Variants in RNF24 observed in about 807,000 individuals in gnomAD.
The protein encoded by RNF24 is ring finger protein 24.
In RNF24, 14 loss-of-function variants were observed where a neutral mutation model predicts 20.0. The ratio of observed to expected loss-of-function variants is 0.70; its 90% CI spans 0.46 to 1.10. The LOEUF (loss-of-function observed/expected upper bound fraction) is 1.10. Among genes scored for constraint, RNF24 ranks in the 50% least tolerant of loss-of-function variants. RNF24 has a pLI of 0.00. For synonymous variants in RNF24, 45 were observed against 61.1 expected (o/e 0.74, Z 1.23); for missense variants, 124 against 177.6 (o/e 0.70, Z 1.71).
intron 1 of RNF24, among the ~76,000 whole-genome samples, chr20:3,978,477 C>T (rs920128944): frequency 1.3e-5 from 2 of 152,176 alleles, no homozygotes; most frequent in African/African-American, 2.4e-5. Flanking sequence ...ATACATTGTA[C>T]ACATATACCA....
At chr20:3,957,043 A>G (rs1600653441) in intron 2 of RNF24, among the ~76,000 whole-genome samples, 2 of 152,264 alleles carry the variant, frequency 1.3e-5, no homozygotes, top group East Asian at 3.9e-4. Context: ...TTGTAAACCC[A>G]GTACTTTGGG....
rs1176969943 is a variant in RNF24 at position 3,927,587 on chromosome 20, G to A, written c.*6476C>T. 6.6e-6 allele frequency: 1 copy of A among 152,086 alleles called. No homozygotes were observed. The highest frequency in any genetic ancestry group is 1.5e-5 in the Non-Finnish European group (1 of 68,014). 9.4% of individuals were successfully genotyped at this position (152,086 alleles called of 1,614,324 possible). On this transcript the variant is annotated 3_prime_UTR_variant, in exon 6 of 6. Coordinates refer to ENST00000358395, the MANE Select transcript of RNF24 (RefSeq NM_001134337.3). Reference sequence around the variant, plus strand: ...AAACCCGAGGGCCAAACTACAAGACGAAAAAGTGCCCCGTTCCTGGCAATG... The same window carrying A: ...AAACCCGAGGGCCAAACTACAAGACAAAAAAGTGCCCCGTTCCTGGCAATG...
intron 3 of RNF24, 28 bp from the exon 4 acceptor site, chr20:3,945,246 G>C (rs191563273): frequency 5.1e-6 from 8 of 1,559,286 alleles, no homozygotes; most frequent in East Asian, 2.3e-5. Context: ...ATGTTCTTAT[G>C]CCCATTTAAA....
rs140831982 is a variant in RNF24 at position 3,936,125 on chromosome 20, C to T, written c.229-1052G>A. ...ATGTGGCTCTTGGTGCCCAGTGAAC[C>T]GTGCCATGTTGGTTTTTAAACATCC... is the stretch of plus-strand genomic sequence containing the variant. On this transcript the variant is annotated intron_variant, in intron 4 of 5. Coordinates refer to ENST00000358395, the MANE Select transcript of RNF24 (RefSeq NM_001134337.3). Among the ~76,000 whole-genome samples, 210 of 152,308 alleles carry T rather than the reference C, an allele frequency of 1.4e-3. 1 individual carries two copies. The highest frequency in any genetic ancestry group is 4.7e-3 in the African/African-American group (196 of 41,554).
At chr20:3,970,524 T>TA (rs2091304285) in intron 1 of RNF24, among the ~76,000 whole-genome samples, 1 of 152,210 alleles carries the variant, frequency 6.6e-6, no homozygotes, top group Non-Finnish European at 1.5e-5. Context: ...ACAAAAATGT[T>TA]AAAATTATCT....
intron 1 of RNF24, among the ~76,000 whole-genome samples, chr20:4,012,047 T>G (rs1982500086): frequency 1.3e-5 from 2 of 152,156 alleles, no homozygotes; most frequent in South Asian, 4.1e-4. Flanking sequence ...ACATGGCAAT[T>G]TCATATGATT....
chr20:4,015,140 C>G (rs1399782035), intron 1 of RNF24: 2 of 152,328 alleles, frequency 1.3e-5, no homozygotes, highest in Non-Finnish European at 2.9e-5. Context: ...CGGGGGCCCA[C>G]GCACCTTCCC....
intron 1 of RNF24, among the ~76,000 whole-genome samples, chr20:3,971,763 T>G (rs1978374654): frequency 6.6e-6 from 1 of 151,958 alleles, no homozygotes; most frequent in African/African-American, 2.4e-5. Flanking sequence ...ATTACTCAAG[T>G]AACAGAAACA....
rs1023741324 is a variant in RNF24 at position 3,933,441 on chromosome 20, T to C, written c.*622A>G. ...AGGAAATGGCTTCTGACTAGGCCTTTCCAAGCGCATCTCATGTTTTCAGCT... is the reference window on the plus strand; with the variant it reads ...AGGAAATGGCTTCTGACTAGGCCTTCCCAAGCGCATCTCATGTTTTCAGCT... On this transcript the variant is annotated 3_prime_UTR_variant, in exon 6 of 6. Coordinates refer to ENST00000358395, the MANE Select transcript of RNF24 (RefSeq NM_001134337.3). 1.4e-5 allele frequency: 5 copies of C among 357,504 alleles called. No individual in the cohort carries two copies. Among genetic ancestry groups the C allele is most frequent in the African/African-American group, 1.0e-4 (5 of 47,900 alleles). 22.1% of individuals were successfully genotyped at this position (357,504 alleles called of 1,614,324 possible). A position where few individuals can be genotyped will look rare whatever the true frequency, so the allele number is the denominator to read the frequency against.
chr20:3,982,135 C>CTCAATA (rs1555799853), intron 1 of RNF24, among the ~76,000 whole-genome samples: 1 of 149,544 alleles, frequency 6.7e-6, no homozygotes, highest in East Asian at 2.0e-4. Context: ...CTCTCTCTCT[C>CTCAATA]AATAAATAAA....
At chr20:4,000,253 G>T (rs1054971093) in intron 1 of RNF24, among the ~76,000 whole-genome samples, 2 of 152,212 alleles carry the variant, frequency 1.3e-5, no homozygotes, top group African/African-American at 2.4e-5. Flanking sequence ...GCCAGATGTG[G>T]TGGCTCAAGC....
rs2090749704 is a variant in RNF24, at chr20:3,927,948, A to G, written c.*6115T>C. ...GAGTACATCTTTGCATCTTGTAACA[A>G]TTTGGGCTCTACAGCTGAATTGGCA... On this transcript the variant is annotated 3_prime_UTR_variant, in exon 6 of 6. Transcript: ENST00000358395. 1 of 152,162 alleles carries G rather than the reference A, an allele frequency of 6.6e-6. No homozygotes were observed. The allele number at this position is 152,162 out of a possible 1,614,324, so 9.4% of individuals were successfully genotyped here.
At chr20:3,974,148 A>C (rs996754230) in intron 1 of RNF24, among the ~76,000 whole-genome samples, 1 of 152,248 alleles carries the variant, frequency 6.6e-6, no homozygotes, top group South Asian at 2.1e-4. Flanking sequence ...GATTTAAAAA[A>C]AACACATTTC....
chr20:3,976,215 G>A (rs1241551175), intron 1 of RNF24, among the ~76,000 whole-genome samples: 1 of 152,114 alleles, frequency 6.6e-6, no homozygotes, highest in Admixed American at 6.6e-5. Context: ...TAGAAAATGG[G>A]CAAAAGAGAT....
chr20:4,000,718 T>C (rs1425342673), intron 1 of RNF24, among the ~76,000 whole-genome samples: 1 of 152,144 alleles, frequency 6.6e-6, no homozygotes, highest in Non-Finnish European at 1.5e-5. Context: ...GGAACTGAGA[T>C]GTAGCAAAAA....
rs527958855 is a variant in RNF24 at position 3,980,356 on chromosome 20, G to A, written c.-7-16332C>T. 7.2e-5 allele frequency among the ~76,000 whole-genome samples: 11 copies of A among 152,202 alleles called. No homozygotes were observed. The East Asian group carries it at 1.9e-3, about 27-fold the overall frequency. On this transcript the variant is annotated intron_variant, in intron 1 of 5. Coordinates refer to ENST00000358395, the MANE Select transcript of RNF24 (RefSeq NM_001134337.3). ...AAACCCGGATAGCACCGAGTCCTAC[G>A]TTTTTTTGAACTGATAACCAAGACC... is the stretch of plus-strand genomic sequence containing the variant.
intron 1 of RNF24, among the ~76,000 whole-genome samples, chr20:3,973,852 T>C (rs1427793983): frequency 6.6e-6 from 1 of 152,176 alleles, no homozygotes; most frequent in Non-Finnish European, 1.5e-5. Context: ...GACAATCTTT[T>C]GCAGAGAATG....
intron 1 of RNF24, among the ~76,000 whole-genome samples, chr20:4,010,682 G>A (rs1398626080): frequency 1.3e-5 from 2 of 152,054 alleles, no homozygotes; most frequent in Non-Finnish European, 2.9e-5. Flanking sequence ...TTTCATTGTT[G>A]ATTTCATTTA....
intron 4 of RNF24, among the ~76,000 whole-genome samples, chr20:3,944,016 C>A (rs1232053957): frequency 1.3e-5 from 2 of 152,028 alleles, no homozygotes; most frequent in East Asian, 3.8e-4. Flanking sequence ...TCAAGACCAG[C>A]CTGGCCAACA....
Sources: allele counts gnomAD v4.1 joint callset (sites outside exome capture counted in the v4.1 genomes callset), GRCh38; gene constraint gnomAD v4.1.1; transcripts MANE v1.5; gene names NCBI Gene and HGNC (gene_info 2026-07-23, HGNC 2026-07-21).